Variants in SYNE1 observed in about 807,000 individuals in gnomAD.
SYNE1 encodes spectrin repeat containing nuclear envelope protein 1, also known as nesprin-1.
A neutral mutation model predicts 1,111.0 loss-of-function variants in SYNE1; 616 were observed. That is an observed-to-expected ratio of 0.55 (90% confidence interval 0.52 to 0.59). The LOEUF (loss-of-function observed/expected upper bound fraction) is 0.59, where lower values mean the gene tolerates loss of function less well. Ranked by LOEUF, SYNE1 falls within the 20% of genes least tolerant of loss-of-function variation. The pLI is 0.00. For missense variants in SYNE1, 10,006 were observed against 10,417.0 expected, an observed-to-expected ratio of 0.96 and a Z score of 1.72; for synonymous variants, 3,855 against 3,825.8, an observed-to-expected ratio of 1.01 and a Z score of -0.28.
chr6:152,260,858 C>G (rs1421670424), intron 101 of SYNE1, among the ~76,000 whole-genome samples: 2 of 152,072 alleles, frequency 1.3e-5, no homozygotes, highest in Non-Finnish European at 2.9e-5. Flanking sequence ...ACTGTTCTAA[C>G]CAGGAAGCAG....
chr6:152,394,138 C>A (rs150850841), intron 51 of SYNE1, among the ~76,000 whole-genome samples: 2,107 of 152,202 alleles, frequency 0.014, 49 homozygotes, highest in African/African-American at 0.048. Context: ...CATCTATGTC[C>A]CTGCAAAGGA....
chr6:152,623,695 G>A (rs1397861323), intron 3 of SYNE1, among the ~76,000 whole-genome samples: 1 of 152,004 alleles, frequency 6.6e-6, no homozygotes, highest in East Asian at 1.9e-4. Flanking sequence ...CCATTAAAAA[G>A]TGGGCAAAAA....
At chr6:152,539,693 G>C (rs1344226229) in intron 4 of SYNE1, among the ~76,000 whole-genome samples, 1 of 152,082 alleles carries the variant, frequency 6.6e-6, no homozygotes, top group African/African-American at 2.4e-5. Flanking sequence ...ATTAGTATTA[G>C]AAAAAATAAT....
Position 152,492,462 on chromosome 6 carries a change from C to A in SYNE1, c.940-3959G>T, listed in dbSNP as rs532698030. ...ACAGTGGCCAGGCATTCCTCCAGGACCTTCTCCCCCAGGATCTTGCTTCAA... is the reference window on the plus strand; with the variant it reads ...ACAGTGGCCAGGCATTCCTCCAGGAACTTCTCCCCCAGGATCTTGCTTCAA... On this transcript the variant is annotated intron_variant, in intron 11 of 145. Coordinates refer to ENST00000367255, the MANE Select transcript of SYNE1 (RefSeq NM_182961.4). Among the ~76,000 whole-genome samples, 5 of 152,338 alleles carry A rather than the reference C, an allele frequency of 3.3e-5. No individual in the cohort carries two copies. The East Asian group carries it at 9.6e-4, about 29-fold the overall frequency.
intron 139 of SYNE1, among the ~76,000 whole-genome samples, chr6:152,140,952 A>G (rs1223752906): frequency 2.0e-5 from 3 of 152,070 alleles, no homozygotes; most frequent in Admixed American, 6.5e-5. Context: ...GGAGAATGCC[A>G]TGAACCTGGG....
chr6:152,547,140 C>A (rs1053417200), intron 3 of SYNE1, among the ~76,000 whole-genome samples: 3 of 152,212 alleles, frequency 2.0e-5, no homozygotes, highest in Admixed American at 1.3e-4. Context: ...GAACACCCAA[C>A]TCACTCACAG....
intron 45 of SYNE1, chr6:152,405,062 GC>G (rs2154158955): frequency 6.6e-6 from 1 of 152,198 alleles, no homozygotes; most frequent in South Asian, 2.1e-4. Context: ...AGCTGTCAGG[GC>G]CTCTGGCTTT....
chr6:152,394,810 G>A (rs1326702973), intron 51 of SYNE1, among the ~76,000 whole-genome samples: 9 of 143,516 alleles, frequency 6.3e-5, no homozygotes, highest in Non-Finnish European at 7.5e-5. Context: ...TTTTGAGATG[G>A]AGTCTCACTC....
intron 3 of SYNE1, among the ~76,000 whole-genome samples, chr6:152,617,949 A>G (rs1344579094): frequency 2.6e-5 from 4 of 152,218 alleles, no homozygotes; most frequent in African/African-American, 9.6e-5. Flanking sequence ...ATAGAGGCTG[A>G]GTAGAAATGA....
At chr6:152,210,737 C>T (rs1452903422) in intron 124 of SYNE1, among the ~76,000 whole-genome samples, 5 of 151,850 alleles carry the variant, frequency 3.3e-5, no homozygotes, top group Admixed American at 1.3e-4. Context: ...CACGGAAAGT[C>T]GATTAGATAA....
At chr6:152,192,648 A>G (rs1371981089) in intron 127 of SYNE1, among the ~76,000 whole-genome samples, 1 of 151,692 alleles carries the variant, frequency 6.6e-6, no homozygotes, top group Non-Finnish European at 1.5e-5. Flanking sequence ...ATTTTTTTGT[A>G]TTTTTAGTAG....
chr6:152,311,082 C>A, intron 87 of SYNE1: 2 of 617,098 alleles, frequency 3.2e-6, no homozygotes, highest in Admixed American at 4.9e-5. Flanking sequence ...GAACTGTAAA[C>A]AATGTGCAGA....
chr6:152,279,814 T>G (rs1171250336), intron 97 of SYNE1, among the ~76,000 whole-genome samples: 1 of 152,108 alleles, frequency 6.6e-6, no homozygotes, highest in East Asian at 1.9e-4. Context: ...AAAAGATGAT[T>G]TCCTGAGGAT....
chr6:152,447,817 T>C (rs907473664), intron 28 of SYNE1, among the ~76,000 whole-genome samples, 195 bp from the exon 29 acceptor site: 1 of 152,218 alleles, frequency 6.6e-6, no homozygotes, highest in Non-Finnish European at 1.5e-5. Flanking sequence ...GAAAGAAAAC[T>C]GTTGTCTATT....
chr6:152,546,092 A>G (rs1165589833), intron 3 of SYNE1: 1 of 152,236 alleles, frequency 6.6e-6, no homozygotes, highest in East Asian at 1.9e-4. Flanking sequence ...ACACAGTCAA[A>G]TGACTTGATT....
rs115239636 is a variant in SYNE1 at position 152,398,296 on chromosome 6, A to G, written c.7350+323T>C. On this transcript the variant is annotated intron_variant, in intron 49 of 145. Transcript: ENST00000367255. ...GTCTTCTTCTTTTTAAAACTCCTCC[A>G]CAATAGTCATATAATACAGATACAA... Among the ~76,000 whole-genome samples the G allele has an allele frequency of 6.9e-3, 1,045 of 152,266 alleles. 12 individuals are homozygous for G. Among genetic ancestry groups the G allele is most frequent in the African/African-American group, 0.024 (980 of 41,550 alleles).
At chr6:152,425,301 A>G (rs1378185591) in intron 39 of SYNE1, 80 bp downstream of exon 39, 21 of 1,491,678 alleles carry the variant, frequency 1.4e-5, no homozygotes, top group East Asian at 6.8e-5. Flanking sequence ...AAAGTAAACA[A>G]AACTATGCTT....
intron 3 of SYNE1, among the ~76,000 whole-genome samples, chr6:152,608,759 C>T (rs2099623016): frequency 6.6e-6 from 1 of 152,048 alleles, no homozygotes; most frequent in Non-Finnish European, 1.5e-5. Flanking sequence ...CACGGTCAAA[C>T]CTCATCTCTA....
chr6:152,311,078 T>A, intron 87 of SYNE1: 1 of 624,444 alleles, frequency 1.6e-6, no homozygotes, highest in East Asian at 2.9e-5. Flanking sequence ...TTAGGAACTG[T>A]AAACAATGTG....
Sources: allele counts gnomAD v4.1 joint callset (sites outside exome capture counted in the v4.1 genomes callset), GRCh38; gene constraint gnomAD v4.1.1; transcripts MANE v1.5; gene names NCBI Gene and HGNC (gene_info 2026-07-23, HGNC 2026-07-21).